Variants in BTG4 observed in about 807,000 individuals in gnomAD.
The protein encoded by BTG4 is protein BTG4.
BTG4 carries 10 observed loss-of-function variants against 19.3 expected under a neutral mutation model. The observed-to-expected ratio is 0.52, with a 90% CI of 0.32 to 0.88. The LOEUF (loss-of-function observed/expected upper bound fraction) is 0.88. BTG4 is among the 40% of genes least tolerant of loss of function. The pLI is 0.04. For synonymous variants in BTG4, 91 were observed against 95.7 expected, an observed-to-expected ratio of 0.95 and a Z score of 0.29; for missense variants, 238 against 281.9, an observed-to-expected ratio of 0.84 and a Z score of 1.11.
intron 1 of BTG4, among the ~76,000 whole-genome samples, chr11:111,508,772 T>G (rs1173767423): frequency 6.7e-6 from 1 of 149,444 alleles, no homozygotes; most frequent in Non-Finnish European, 1.5e-5. Context: ...ATAAATAGAA[T>G]ATATAACACA....
At chr11:111,406,174 GTTTTTA>G in the BTG4 span, among the ~76,000 whole-genome samples, 2 of 152,166 alleles carry the variant, frequency 1.3e-5, no homozygotes, top group African/African-American at 2.4e-5. Flanking sequence ...ATGTTCTTTT[GTTTTTA>G]TTTTAGAGAC....
the BTG4 span, among the ~76,000 whole-genome samples, chr11:111,439,143 C>G: frequency 6.6e-6 from 1 of 152,246 alleles, no homozygotes; most frequent in Non-Finnish European, 1.5e-5. Context: ...CCAGGCACAA[C>G]AAAGCCACTC....
rs899170135 is a variant in BTG4, at chr11:111,482,990, C to T, written c.662+12173G>A. On this transcript the variant is annotated intron_variant, in intron 5 of 5. Transcript: ENST00000356018. ...ACGTCATTAAGAGGATAAAACACAACGTAGAAGTCTGAGCAAGATGGCCTA... is the reference window on the plus strand; with the variant it reads ...ACGTCATTAAGAGGATAAAACACAATGTAGAAGTCTGAGCAAGATGGCCTA... 5.3e-5 allele frequency among the ~76,000 whole-genome samples: 8 copies of T among 152,114 alleles called. No homozygotes were observed. In the East Asian group the frequency reaches 7.7e-4, roughly 15 times the overall value.
At chr11:111,469,211 C>T (rs1863907764) in intron 5 of BTG4, 1 of 152,338 alleles carries the variant, frequency 6.6e-6, no homozygotes, top group Middle Eastern at 3.4e-3. Context: ...GCTGAAAACA[C>T]ACTGTTCATT....
intron 5 of BTG4, among the ~76,000 whole-genome samples, chr11:111,483,245 G>A (rs2135583520): frequency 6.6e-6 from 1 of 152,288 alleles, no homozygotes; most frequent in South Asian, 2.1e-4. Flanking sequence ...TATGTGGAAA[G>A]CCTTCTCAAG....
chr11:111,501,303 G>A (rs923978172), intron 1 of BTG4, among the ~76,000 whole-genome samples: 2 of 152,088 alleles, frequency 1.3e-5, no homozygotes, highest in Admixed American at 1.3e-4. Context: ...GTTTGAGGCT[G>A]CAGTAAGCTA....
At chr11:111,415,764 G>T in the BTG4 span, among the ~76,000 whole-genome samples, 26,851 of 152,178 alleles carry the variant, frequency 0.18, 3,133 homozygotes, top group African/African-American at 0.33. Context: ...GTGGAGGTCA[G>T]GTGCAGTGGC....
At chr11:111,504,421 C>T (rs1866303655) in intron 1 of BTG4, among the ~76,000 whole-genome samples, 1 of 152,046 alleles carries the variant, frequency 6.6e-6, no homozygotes, top group African/African-American at 2.4e-5. Flanking sequence ...AATAAAATTC[C>T]TTTACCAATA....
chr11:111,408,000 G>A, the BTG4 span, among the ~76,000 whole-genome samples: 2 of 152,230 alleles, frequency 1.3e-5, no homozygotes, highest in Non-Finnish European at 2.9e-5. Context: ...CATGGCCACA[G>A]CCCAGTGCCA....
At chr11:111,489,580 C>T (rs551246307) in intron 5 of BTG4, among the ~76,000 whole-genome samples, 1 of 152,072 alleles carries the variant, frequency 6.6e-6, no homozygotes, top group South Asian at 2.1e-4. Flanking sequence ...GGTACATATA[C>T]ACAATGGAAC....
chr11:111,506,783 A>G (rs1028535644), intron 1 of BTG4, among the ~76,000 whole-genome samples: 5 of 152,128 alleles, frequency 3.3e-5, no homozygotes, highest in Non-Finnish European at 5.9e-5. Context: ...ATACTCTCTT[A>G]TTAATGGAAC....
the BTG4 span, among the ~76,000 whole-genome samples, chr11:111,387,129 G>A: frequency 6.6e-6 from 1 of 152,186 alleles, no homozygotes; most frequent in Non-Finnish European, 1.5e-5. Context: ...CAGATCAAGA[G>A]AATATATCAC....
chr11:111,511,130 T>TAA (rs1262763709), intron 1 of BTG4, among the ~76,000 whole-genome samples: 5 of 152,248 alleles, frequency 3.3e-5, no homozygotes, highest in Non-Finnish European at 7.3e-5. Flanking sequence ...CTCACAAAGA[T>TAA]AAGATGAATA....
downstream of BTG4, among the ~76,000 whole-genome samples, chr11:111,464,346 G>T (rs1312892403): frequency 2.0e-5 from 3 of 152,068 alleles, no homozygotes; most frequent in Non-Finnish European, 4.4e-5. Context: ...CATCACTTTT[G>T]CCATGTTCTA....
exon 6 of BTG4, chr11:111,467,570 C>T (rs1863794885): frequency 1.1e-5 from 8 of 696,328 alleles, no homozygotes; most frequent in Admixed American, 2.5e-5. Context: ...CCAGAAATCA[C>T]CCTGAAGATT....
the BTG4 span, among the ~76,000 whole-genome samples, chr11:111,393,687 A>G: frequency 1.3e-5 from 2 of 152,168 alleles, no homozygotes; most frequent in Admixed American, 6.5e-5. Flanking sequence ...GGAGAGGGAG[A>G]TGCTCTAGGA....
intron 5 of BTG4, among the ~76,000 whole-genome samples, chr11:111,487,211 C>T (rs1865121342): frequency 6.6e-6 from 1 of 152,104 alleles, no homozygotes; most frequent in Non-Finnish European, 1.5e-5. Context: ...TTTCTTTATC[C>T]AGACTATCAT....
chr11:111,455,766 C>T, the BTG4 span: 2 of 448,724 alleles, frequency 4.5e-6, no homozygotes, highest in South Asian at 3.1e-5. Context: ...GGGCAGTTCC[C>T]CAGCTGGACA....
At chr11:111,500,713 G>T (rs1866018183) in intron 1 of BTG4, among the ~76,000 whole-genome samples, 1 of 151,672 alleles carries the variant, frequency 6.6e-6, no homozygotes, top group African/African-American at 2.4e-5. Context: ...AATGCTCCAG[G>T]TGTGCTCCAC....
Sources: gnomAD v4.1 joint callset for allele counts (sites outside exome capture counted in the v4.1 genomes callset) on GRCh38, gnomAD v4.1.1 for gene constraint, MANE v1.5 for transcripts, NCBI Gene and HGNC (gene_info 2026-07-23, HGNC 2026-07-21) for gene names.